Variants in DHX16 observed in about 807,000 individuals in gnomAD.
The protein encoded by DHX16 is pre-mRNA-splicing factor ATP-dependent RNA helicase DHX16.
Under a neutral mutation model 131.2 loss-of-function variants are expected in DHX16, and 81 were observed. That is an observed-to-expected ratio of 0.62 (90% CI 0.52 to 0.74). DHX16 has a LOEUF of 0.74. DHX16 is among the 30% of genes least tolerant of loss of function. The probability of loss-of-function intolerance (pLI) is 0.00; values close to 1 mark genes in which losing one functional copy is unlikely to be tolerated. For missense variants in DHX16, 980 were observed against 1,363.1 expected, an observed-to-expected ratio of 0.72 and a Z score of 4.43; for synonymous variants, 440 against 520.2, an observed-to-expected ratio of 0.85 and a Z score of 2.10.
chr6:30,664,431 C>G (rs150119254), intron 7 of DHX16, among the ~76,000 whole-genome samples: 18 of 149,712 alleles, frequency 1.2e-4, no homozygotes, highest in African/African-American at 4.2e-4. Flanking sequence ...AAGCCAAGAT[C>G]GCACCACTGC....
At chr6:30,664,758 G>T in intron 7 of DHX16, 43 bp downstream of exon 7, 1 of 1,529,808 alleles carries the variant, frequency 6.5e-7, no homozygotes, top group East Asian at 2.3e-5. Context: ...TGAGGACATT[G>T]ATGCCAGGTG....
Position 30,665,708 on chromosome 6 carries a change from C to T in DHX16, c.692G>A (p.Arg231His). Reference protein sequence around the residue: ...AMVPELRKKSRREYLAKRERE... With the variant: ...AMVPELRKKSHREYLAKRERE... ...CTCCCGCTTAGCCAGGTACTCTCGG[C>T]GAGATTTCTTCCGCAGCTCAGGGAC... The change falls in exon 5 of 20, where the codon CGC becomes CAC. Residue 231 changes from arginine (R) to histidine (H), a missense_variant. Coordinates refer to ENST00000376442, the MANE Select transcript of DHX16 (RefSeq NM_003587.5). The surrounding 1 kb of genome is among the most constrained non-coding windows in gnomAD (Gnocchi z 4.8). The T allele has an allele frequency of 6.2e-7, 1 of 1,610,978 alleles. No individual in the cohort carries two copies. Among genetic ancestry groups the T allele is most frequent in the African/African-American group, 1.3e-5 (1 of 75,058 alleles).
rs550168366 is a variant in DHX16, at chr6:30,671,152, A to G, written c.330T>C (p.Thr110=). Residue 110 remains threonine (T), a synonymous_variant, in exon 2 of 20, where the codon ACT becomes ACC. Coordinates refer to ENST00000376442, the MANE Select transcript of DHX16 (RefSeq NM_003587.5). ...GGAGGCTGCTTCCAGCCCTACTCAC[A>G]GTCTCCTCACTGCTCTCTTCACTGT... The part of the protein sequence containing the change: ...LEDSEESSEE[T]VSRAGSSLQK... The G allele has an allele frequency of 4.3e-6, 7 of 1,612,974 alleles. No homozygotes were observed. In the East Asian group the frequency reaches 8.9e-5, roughly 21 times the overall value.
At chr6:30,663,766 C>T (rs1012772435) in intron 7 of DHX16, among the ~76,000 whole-genome samples, 1 of 151,016 alleles carries the variant, frequency 6.6e-6, no homozygotes, top group Non-Finnish European at 1.5e-5. Flanking sequence ...GTGGCTAACA[C>T]CTGTAACTCC....
chr6:30,671,409 G>C (rs557945006), intron 1 of DHX16, 135 bp from the exon 2 acceptor site: 8 of 811,814 alleles, frequency 9.9e-6, no homozygotes, highest in South Asian at 8.2e-5. Flanking sequence ...AGGCAATGGC[G>C]TGATCTCGGC....
At chr6:30,664,071 C>T (rs1008567825) in intron 7 of DHX16, among the ~76,000 whole-genome samples, 1 of 151,770 alleles carries the variant, frequency 6.6e-6, no homozygotes, top group Non-Finnish European at 1.5e-5. Context: ...TGTGCACCTC[C>T]CAGATACTCA....
Position 30,671,198 on chromosome 6 carries a change from C to A in DHX16, c.284G>T (p.Arg95Leu). Residue 95 changes from arginine to leucine, a missense_variant, in exon 2 of 20, where the codon CGA (arginine) becomes CTA (leucine). By Grantham distance (102) the Arg-to-Leu change is moderately radical. This residue lies in a region of DHX16 where 457 missense variants were observed against 554.8 expected (regional missense o/e 0.82). Transcript: ENST00000376442. ...REARALLEKN[R>L]SYRLLEDSEE... is the part of the protein sequence containing the mutation. The stretch of plus-strand genomic sequence containing the variant: ...ACTGTCTTCCAGTAACCTATAAGAT[C>A]GGTTCTTCTCCAGCAGGGCCCGGGC... 2 of 1,613,038 alleles carry A rather than the reference C, an allele frequency of 1.2e-6. No individual in the cohort carries two copies.
Position 30,662,890 on chromosome 6 carries a change from C to T in DHX16, c.1428+21G>A. ...AGTCACAGACCCCAGACTCTACCCCCCGGTTCCCTAGAAATCTCACCTCAT... is the reference window on the plus strand; with the variant it reads ...AGTCACAGACCCCAGACTCTACCCCTCGGTTCCCTAGAAATCTCACCTCAT... On this transcript the variant is annotated intron_variant, in intron 8 of 19. Transcript: ENST00000376442. The surrounding 1 kb of genome is among the most constrained non-coding windows in gnomAD (Gnocchi z 4.7). 1 of 1,608,960 alleles carries T rather than the reference C, an allele frequency of 6.2e-7. No homozygotes were observed. Among genetic ancestry groups the T allele is most frequent in the African/African-American group, 1.3e-5 (1 of 74,950 alleles).
At position 30,660,394 on chromosome 6, in the gene DHX16, A is replaced by G. The variant is rs1418900036; in HGVS notation, c.1545-152T>C. The G allele has an allele frequency of 8.7e-6, 5 of 575,678 alleles. No individual in the cohort carries two copies. The East Asian group carries it at 1.3e-4, about 15-fold the overall frequency. The allele number at this position is 575,678 out of a possible 1,614,324, so 35.7% of individuals were successfully genotyped here. A position where few individuals can be genotyped will look rare whatever the true frequency, so the allele number is the denominator to read the frequency against. On this transcript the variant is annotated intron_variant, in intron 9 of 19. Coordinates refer to ENST00000376442, the MANE Select transcript of DHX16 (RefSeq NM_003587.5). ...GCTCTAAGGAGAAGTCAGCCATCCC[A>G]CTTATGTAGAGCAACAGAAAGTCAG...
rs564914976 is a variant in DHX16 at position 30,656,780 on chromosome 6, G to C, written c.2149-21C>G. The C allele has an allele frequency of 6.2e-7, 1 of 1,610,662 alleles. No individual in the cohort carries two copies. Among genetic ancestry groups the C allele is most frequent in the East Asian group, 2.2e-5 (1 of 44,880 alleles). The stretch of plus-strand genomic sequence containing the variant: ...GAGGCCTGGAAAGAAAGGGGAACAG[G>C]CTGGCTGACAATTTGGTCAGGGAAA... On this transcript the variant is annotated intron_variant, in intron 13 of 19. Coordinates refer to ENST00000376442, the MANE Select transcript of DHX16 (RefSeq NM_003587.5). This position sits in a 1 kb window ranked among gnomAD's most constrained non-coding sequence, Gnocchi z 5.1.
In DHX16 at chr6:30,671,024, C is replaced by T. The variant is rs1335772528; in HGVS notation, c.446+12G>A. 3 of 1,612,926 alleles carry T rather than the reference C, an allele frequency of 1.9e-6. No individual in the cohort carries two copies. The highest frequency in any genetic ancestry group is 2.2e-5 in the East Asian group (1 of 44,896). On this transcript the variant is annotated intron_variant, in intron 2 of 19. Coordinates refer to ENST00000376442, the MANE Select transcript of DHX16 (RefSeq NM_003587.5). ...GCCTGCCCCATCCTCTCTCACCCTGCTTCTGACTTACCCTGTTTTCTTCTT... is the reference window on the plus strand; with the variant it reads ...GCCTGCCCCATCCTCTCTCACCCTGTTTCTGACTTACCCTGTTTTCTTCTT...
chr6:30,663,751 G>T (rs1326432464), intron 7 of DHX16, among the ~76,000 whole-genome samples: 1 of 150,688 alleles, frequency 6.6e-6, no homozygotes, highest in African/African-American at 2.4e-5. Flanking sequence ...TTCAGGCCAG[G>T]CACAGTGGCT....
At chr6:30,654,580 T>C (rs1767781705) in intron 19 of DHX16, 126 bp downstream of exon 19, 1 of 964,100 alleles carries the variant, frequency 1.0e-6, no homozygotes, top group Non-Finnish European at 1.5e-6. Context: ...AAGGATGTCT[T>C]TCTATTTTAC....
intron 1 of DHX16, 52 bp from the exon 2 acceptor site, chr6:30,671,326 C>T (rs1393064418): frequency 2.0e-6 from 3 of 1,522,298 alleles, no homozygotes; most frequent in Admixed American, 3.6e-5. Context: ...GATCTCTGCC[C>T]TCCCACTTAG....
intron 12 of DHX16, among the ~76,000 whole-genome samples, chr6:30,659,000 A>C (rs1356659156): frequency 6.6e-6 from 1 of 151,880 alleles, no homozygotes. Context: ...GATTCTCATG[A>C]CTCAGCCTCC....
intron 4 of DHX16, among the ~76,000 whole-genome samples, chr6:30,667,459 G>C (rs1341668939): frequency 1.3e-5 from 2 of 151,874 alleles, no homozygotes. Context: ...GCAGGCGCCT[G>C]TAGTTCTAGC....
chr6:30,654,091 T>A (rs1767725058), intron 19 of DHX16, among the ~76,000 whole-genome samples: 1 of 147,102 alleles, frequency 6.8e-6, no homozygotes. Context: ...CACTCCAGCC[T>A]GGGCTACAAC....
chr6:30,657,169 GAGT>G, intron 12 of DHX16, 77 bp from the exon 13 acceptor site: 1 of 1,481,064 alleles, frequency 6.8e-7, no homozygotes, highest in East Asian at 2.3e-5. Flanking sequence ...GGAAAGTTAG[GAGT>G]AGTGAAGCAG....
Position 30,654,689 on chromosome 6 carries a change from C to G in DHX16, c.2997+17G>C, listed in dbSNP as rs1354116889. 6 of 1,604,456 alleles carry G rather than the reference C, an allele frequency of 3.7e-6. No homozygotes were observed. Among genetic ancestry groups the G allele is most frequent in the Non-Finnish European group, 5.1e-6 (6 of 1,175,446 alleles). ...TACATAGTCTCCACCTGCGTGGGCA[C>G]AGGATGTTCTCCTCACCTGTCTCAT... On this transcript the variant is annotated intron_variant, in intron 19 of 19. Transcript: ENST00000376442.
Sources: allele counts gnomAD v4.1 joint callset (sites outside exome capture counted in the v4.1 genomes callset), GRCh38; gene constraint gnomAD v4.1.1; regional missense constraint gnomAD v4.1.1; non-coding constraint Gnocchi (gnomAD v3.1); transcripts MANE v1.5; gene names NCBI Gene and HGNC (gene_info 2026-07-23, HGNC 2026-07-21).